The following CDK13 variants were observed in gnomAD, a reference collection of about 807,000 sequenced individuals.
The protein encoded by CDK13 is cyclin-dependent kinase 13.
A neutral mutation model predicts 137.6 loss-of-function variants in CDK13; 40 were observed. The ratio of observed to expected loss-of-function variants is 0.29; its 90% CI spans 0.23 to 0.38. The LOEUF is 0.38. Ranked by LOEUF, CDK13 falls within the 10% of genes least tolerant of loss-of-function variation. CDK13 has a pLI of 1.00. For synonymous variants in CDK13, 869 were observed against 760.1 expected, an observed-to-expected ratio of 1.14 and a Z score of -2.36; for missense variants, 1,704 against 1,951.8, an observed-to-expected ratio of 0.87 and a Z score of 2.39.
chr7:39,997,618 G>A lies in CDK13; in HGVS notation c.1996G>A (p.Glu666Lys), dbSNP rs1784592813. ...AGGAGATGATCTTTCAAAGAGTCCA[G>A]AGGAAAAGAAAACAGCAACACAGTT... ...PGGDDLSKSP[E>K]EKKTATQLHS... Residue 666 changes from glutamate (E) to lysine (K), a missense_variant, in exon 3 of 14, where the codon GAG becomes AAG. Around this residue, in one of 5 missense-constraint regions of CDK13, gnomAD observed 1,051 missense variants for 931.0 expected, o/e 1.13. Transcript: ENST00000181839. 6.2e-7 allele frequency: 1 copy of A among 1,613,626 alleles called. No homozygotes were observed. Among genetic ancestry groups the A allele is most frequent in the African/African-American group, 1.3e-5 (1 of 74,904 alleles).
chr7:39,975,492 A>G (rs1373638693), intron 1 of CDK13, among the ~76,000 whole-genome samples: 1 of 152,202 alleles, frequency 6.6e-6, no homozygotes, highest in Admixed American at 6.5e-5. Flanking sequence ...ATTCATTACT[A>G]TTCTAGGGGC....
At position 40,062,901 on chromosome 7, in the gene CDK13, A is replaced by T. The variant is rs753505471; in HGVS notation, c.2676A>T (p.Thr892=). The T allele has an allele frequency of 1.2e-6, 2 of 1,613,492 alleles. No individual in the cohort carries two copies. The highest frequency in any genetic ancestry group is 2.7e-5 in the African/African-American group (2 of 75,048). Residue 892 remains threonine, a synonymous_variant, in exon 8 of 14, where the codon ACA becomes ACT. Transcript: ENST00000181839. ...PELLLGEERY[T]PAIDVWSCGC... ...TGCTACTGGGAGAAGAACGATACAC[A>T]CCAGCCATTGATGTATGGAGCTGTG...
At chr7:39,960,002 A>G (rs960617254) in intron 1 of CDK13, among the ~76,000 whole-genome samples, 1 of 151,060 alleles carries the variant, frequency 6.6e-6, no homozygotes, top group Non-Finnish European at 1.5e-5. Context: ...TCTCCCAGGT[A>G]CCTAGTGTCA....
At chr7:40,036,444 T>C (rs1584021143) in intron 5 of CDK13, among the ~76,000 whole-genome samples, 1 of 152,094 alleles carries the variant, frequency 6.6e-6, no homozygotes, top group South Asian at 2.1e-4. Context: ...TGGTGGCAGG[T>C]ACCTGTAATC....
In CDK13 at chr7:39,992,202, A is replaced by G. The variant is rs867168584; in HGVS notation, c.1871+3944A>G. Among the ~76,000 whole-genome samples, 416 of 111,782 alleles carry G rather than the reference A, an allele frequency of 3.7e-3. 2 individuals carry two copies. Among genetic ancestry groups the G allele is most frequent in the Non-Finnish European group, 6.4e-3 (314 of 49,062 alleles). 73.3% of individuals were successfully genotyped at this position (111,782 alleles called of 152,430 possible). On this transcript the variant is annotated intron_variant, in intron 2 of 13. Coordinates refer to ENST00000181839, the MANE Select transcript of CDK13 (RefSeq NM_003718.5). ...TGTGTGTGTGTGTGTGTGTGTGTGT[A>G]TACACTTCTCCCCGAGATGAAGTCT...
chr7:39,955,138 T>C (rs1787370169), intron 1 of CDK13, among the ~76,000 whole-genome samples: 1 of 152,166 alleles, frequency 6.6e-6, no homozygotes, highest in Admixed American at 6.6e-5. Context: ...GTAATCTTGC[T>C]GACTGGCCCT....
chr7:39,989,924 A>G (rs1784423145), intron 2 of CDK13, among the ~76,000 whole-genome samples: 1 of 116,036 alleles, frequency 8.6e-6, no homozygotes, highest in Non-Finnish European at 2.1e-5. Flanking sequence ...GTGGGACTAC[A>G]GGCGCCCGCC....
At chr7:40,048,751 C>T (rs912214085) in intron 7 of CDK13, 1 of 151,388 alleles carries the variant, frequency 6.6e-6, no homozygotes, top group Non-Finnish European at 1.5e-5. Flanking sequence ...CAAAAACTCT[C>T]GTTTGAATTT....
At chr7:40,058,737 G>C (rs1175496419) in intron 7 of CDK13, among the ~76,000 whole-genome samples, 1 of 152,052 alleles carries the variant, frequency 6.6e-6, no homozygotes. Flanking sequence ...AGGGAAAGAT[G>C]AATCAAGAAT....
At chr7:40,061,021 TTG>T (rs1786133503) in intron 7 of CDK13, 2 of 151,734 alleles carry the variant, frequency 1.3e-5, no homozygotes, top group Non-Finnish European at 2.9e-5. Flanking sequence ...TGAGCTGAGA[TTG>T]CGCCACTGTA....
Position 39,950,337 on chromosome 7 carries a change from T to C in CDK13, c.-305T>C. On this transcript the variant is annotated 5_prime_UTR_variant, in exon 1 of 14. Coordinates refer to ENST00000181839, the MANE Select transcript of CDK13 (RefSeq NM_003718.5). ...CGGGGGCACTTGGAGGACTCGGGAC[T>C]CCCCCGCAGGTCAGCGCCCGGCGCA... is the stretch of plus-strand genomic sequence containing the variant. 8.6e-7 allele frequency: 1 copy of C among 1,156,462 alleles called. No individual in the cohort carries two copies. The highest frequency in any genetic ancestry group is 1.1e-6 in the Non-Finnish European group (1 of 940,126). The allele number at this position is 1,156,462 out of a possible 1,614,324, so 71.6% of individuals were successfully genotyped here.
At chr7:40,007,958 A>T (rs1235816768) in intron 5 of CDK13, among the ~76,000 whole-genome samples, 2 of 152,256 alleles carry the variant, frequency 1.3e-5, no homozygotes, top group African/African-American at 4.8e-5. Flanking sequence ...AGGGCATTCT[A>T]ATTATTAGTG....
chr7:39,959,406 C>T (rs1466325435), intron 1 of CDK13, among the ~76,000 whole-genome samples: 1 of 151,832 alleles, frequency 6.6e-6, no homozygotes, highest in Non-Finnish European at 1.5e-5. Flanking sequence ...GGTGATCCAC[C>T]CGCTTCAGCC....
intron 5 of CDK13, among the ~76,000 whole-genome samples, chr7:40,037,496 A>G (rs1584022512): frequency 6.6e-6 from 1 of 152,196 alleles, no homozygotes; most frequent in Non-Finnish European, 1.5e-5. Context: ...AATGATCTAA[A>G]AAAGTAAGGT....
At position 39,979,333 on chromosome 7, in the gene CDK13, C is replaced by T. The variant is rs529034575; in HGVS notation, c.1212-8266C>T. Among the ~76,000 whole-genome samples the T allele has an allele frequency of 1.6e-4, 24 of 151,640 alleles. No homozygotes were observed. The South Asian group carries it at 4.8e-3, about 30-fold the overall frequency. On this transcript the variant is annotated intron_variant, in intron 1 of 13. Coordinates refer to ENST00000181839, the MANE Select transcript of CDK13 (RefSeq NM_003718.5). ...CCAGGTTCAAGCGATTCTCCTGCCT[C>T]AGCCTCCCAAGTGGCTGGGATTACA...
rs1423812492 is a variant in CDK13 at position 39,951,004 on chromosome 7, C to T, written c.363C>T (p.Phe121=). 6.1e-6 allele frequency: 8 copies of T among 1,305,350 alleles called. No individual in the cohort carries two copies. The highest frequency in any genetic ancestry group is 3.1e-5 in the East Asian group (1 of 31,964). The allele number at this position is 1,305,350 out of a possible 1,614,324, so 80.9% of individuals were successfully genotyped here. Residue 121 remains phenylalanine, a synonymous_variant, in exon 1 of 14, where the codon TTC becomes TTT. Coordinates refer to ENST00000181839, the MANE Select transcript of CDK13 (RefSeq NM_003718.5). ...AGQEAEKRRV[F]SLPQPQQDGG... Reference sequence around the variant, plus strand: ...AGGAGGCGGAGAAGCGTCGGGTCTTCTCGCTGCCCCAGCCGCAGCAGGACG... The same window carrying T: ...AGGAGGCGGAGAAGCGTCGGGTCTTTTCGCTGCCCCAGCCGCAGCAGGACG...
rs553458684 is a variant in CDK13, at chr7:40,076,014, A to G, written c.2781-1991A>G. ...CTCTTCTGGTAACATAATTTATCTT[A>G]TTCCATTTCCCACCTGTCTATGGTT... On this transcript the variant is annotated intron_variant, in intron 9 of 13. Transcript: ENST00000181839. Among the ~76,000 whole-genome samples the G allele has an allele frequency of 7.8e-4, 118 of 152,228 alleles. 1 individual carries two copies. In the South Asian group the frequency reaches 0.01, roughly 13 times the overall value.
intron 7 of CDK13, among the ~76,000 whole-genome samples, chr7:40,054,934 A>G (rs1282658532): frequency 6.6e-6 from 1 of 152,136 alleles, no homozygotes; most frequent in Non-Finnish European, 1.5e-5. Context: ...TAATCCTAGC[A>G]CTTTGGAAGG....
chr7:40,042,290 AG>A (rs2150512737), intron 5 of CDK13, among the ~76,000 whole-genome samples: 1 of 151,866 alleles, frequency 6.6e-6, no homozygotes, highest in South Asian at 2.1e-4. Context: ...CATGTTGGCC[AG>A]GCTGGTCTCG....
Sources: gnomAD v4.1 joint callset for allele counts (sites outside exome capture counted in the v4.1 genomes callset) on GRCh38, gnomAD v4.1.1 for gene constraint, gnomAD v4.1.1 regional missense constraint, MANE v1.5 for transcripts, NCBI Gene and HGNC (gene_info 2026-07-23, HGNC 2026-07-21) for gene names.